The following ADGRB3 variants were observed in gnomAD, a reference collection of about 807,000 sequenced individuals.
The protein encoded by ADGRB3 is brain-specific angiogenesis inhibitor 3.
Under a neutral mutation model 193.4 loss-of-function variants are expected in ADGRB3, and 37 were observed. That is an observed-to-expected ratio of 0.19 (90% CI 0.15 to 0.25). The LOEUF (loss-of-function observed/expected upper bound fraction) is 0.25, where lower values mean the gene tolerates loss of function less well. Among genes scored for constraint, ADGRB3 ranks in the 10% least tolerant of loss-of-function variants. The pLI is 1.00. For synonymous variants in ADGRB3, 690 were observed against 644.2 expected (o/e 1.07, Z -1.08); for missense variants, 1,637 against 1,852.9 (o/e 0.88, Z 2.14).
At chr6:68,738,819 A>T (rs1161909929) in intron 3 of ADGRB3, among the ~76,000 whole-genome samples, 1 of 152,152 alleles carries the variant, frequency 6.6e-6, no homozygotes, top group Non-Finnish European at 1.5e-5. Flanking sequence ...CCAAATAAAG[A>T]TTAAAATATG....
chr6:69,378,587 T>C (rs1037910482), intron 30 of ADGRB3, among the ~76,000 whole-genome samples: 2 of 152,068 alleles, frequency 1.3e-5, no homozygotes, highest in African/African-American at 2.4e-5. Context: ...GGCCCAATGA[T>C]AAGTGTTTTA....
chr6:68,682,929 C>A (rs940340007), intron 3 of ADGRB3, among the ~76,000 whole-genome samples: 3 of 151,892 alleles, frequency 2.0e-5, no homozygotes, highest in African/African-American at 7.3e-5. Flanking sequence ...AGGCACCTAC[C>A]ACCACGCCTG....
At chr6:69,266,880 G>A (rs1283246030) in intron 20 of ADGRB3, among the ~76,000 whole-genome samples, 2 of 152,012 alleles carry the variant, frequency 1.3e-5, no homozygotes, top group African/African-American at 2.4e-5. Flanking sequence ...TAATTGTTTT[G>A]AAATGATTAT....
intron 10 of ADGRB3, among the ~76,000 whole-genome samples, chr6:68,986,515 T>A (rs1769081096): frequency 6.6e-6 from 1 of 152,194 alleles, no homozygotes; most frequent in Non-Finnish European, 1.5e-5. Flanking sequence ...AAATATTCAT[T>A]TACCAGAACT....
chr6:68,662,104 A>T (rs372789707), intron 3 of ADGRB3, among the ~76,000 whole-genome samples: 10 of 151,440 alleles, frequency 6.6e-5, no homozygotes, highest in Non-Finnish European at 1.5e-5. Flanking sequence ...AGAAATGATG[A>T]GTGTGAGGTT....
At chr6:69,216,247 C>T (rs701653) in intron 17 of ADGRB3, among the ~76,000 whole-genome samples, 23,275 of 152,124 alleles carry the variant, frequency 0.15, 1,970 homozygotes, top group Non-Finnish European at 0.18. Flanking sequence ...TAGGTCTAAA[C>T]AGAACTACTT....
chr6:68,823,174 A>C (rs190160365), intron 3 of ADGRB3, among the ~76,000 whole-genome samples: 209 of 152,144 alleles, frequency 1.4e-3, no homozygotes, highest in African/African-American at 4.9e-3. Flanking sequence ...TTCTATAGTC[A>C]GTAGGATCAT....
At chr6:68,918,400 T>A (rs1036984954) in intron 3 of ADGRB3, among the ~76,000 whole-genome samples, 52 of 152,158 alleles carry the variant, frequency 3.4e-4, no homozygotes, top group Admixed American at 2.5e-3. Flanking sequence ...ATGTTAGTGT[T>A]CTCATATTGT....
intron 3 of ADGRB3, among the ~76,000 whole-genome samples, chr6:68,723,347 C>G (rs1765616641): frequency 6.6e-6 from 1 of 151,578 alleles, no homozygotes; most frequent in East Asian, 2.0e-4. Context: ...GAAATCACAG[C>G]CAAGGTTAGC....
At position 69,128,011 on chromosome 6, in the gene ADGRB3, A is replaced by G. The variant is rs952127564; in HGVS notation, c.2480+51973A>G. On this transcript the variant is annotated intron_variant, in intron 17 of 31. Coordinates refer to ENST00000370598, the MANE Select transcript of ADGRB3 (RefSeq NM_001704.3). ...AGCCATCTCTCTCGAGAGAAAAGAA[A>G]TGAAATGTTAAGAGTCAGTATGATA... 3.9e-5 allele frequency among the ~76,000 whole-genome samples: 6 copies of G among 152,272 alleles called. No individual in the cohort carries two copies. The South Asian group carries it at 6.2e-4, about 16-fold the overall frequency.
Position 69,267,073 on chromosome 6 carries a change from T to C in ADGRB3, c.2814+27847T>C, listed in dbSNP as rs533358719. On this transcript the variant is annotated intron_variant, in intron 20 of 31. Transcript: ENST00000370598. The stretch of plus-strand genomic sequence containing the variant: ...GCATACAAGCGTAAGAACCCTCTCT[T>C]AATAGCTTTCCCCAACTCTATTTGT... 2.6e-5 allele frequency among the ~76,000 whole-genome samples: 4 copies of C among 152,238 alleles called. No homozygotes were observed. The South Asian group carries it at 6.2e-4, about 24-fold the overall frequency.
chr6:68,763,403 G>A (rs1211264248), intron 3 of ADGRB3, among the ~76,000 whole-genome samples: 2 of 152,072 alleles, frequency 1.3e-5, no homozygotes, highest in Non-Finnish European at 2.9e-5. Flanking sequence ...TCTTTTAACT[G>A]TTATACTTTA....
Position 69,093,142 on chromosome 6 carries a change from G to A in ADGRB3, c.2480+17104G>A, listed in dbSNP as rs1772764226. On this transcript the variant is annotated intron_variant, in intron 17 of 31. Transcript: ENST00000370598. ...CCTAAGTTCAGAGATAGAGGGGACT[G>A]GAAGCCTACGTTCAGGGGTACAAGG... Among the ~76,000 whole-genome samples, 4 of 151,530 alleles carry A rather than the reference G, an allele frequency of 2.6e-5. No individual in the cohort carries two copies. The South Asian group carries it at 8.3e-4, about 32-fold the overall frequency.
At chr6:69,341,064 C>T (rs1422386953) in intron 26 of ADGRB3, among the ~76,000 whole-genome samples, 3 of 152,018 alleles carry the variant, frequency 2.0e-5, no homozygotes, top group Non-Finnish European at 2.9e-5. Context: ...TGAACAGTGC[C>T]GCAATAAACA....
intron 3 of ADGRB3, among the ~76,000 whole-genome samples, chr6:68,703,908 C>T (rs548293429): frequency 1.3e-5 from 2 of 152,274 alleles, no homozygotes; most frequent in South Asian, 4.1e-4. Flanking sequence ...CAGGTGTGAG[C>T]CACTGTGCCC....
At chr6:69,046,541 C>G (rs1771243423) in intron 13 of ADGRB3, among the ~76,000 whole-genome samples, 1 of 152,112 alleles carries the variant, frequency 6.6e-6, no homozygotes, top group African/African-American at 2.4e-5. Flanking sequence ...CATTTAACAT[C>G]TATAATTTAT....
At chr6:68,762,969 T>C (rs1766440075) in intron 3 of ADGRB3, among the ~76,000 whole-genome samples, 2 of 152,244 alleles carry the variant, frequency 1.3e-5, no homozygotes, top group South Asian at 4.1e-4. Context: ...CCTGACTCCA[T>C]ACATTCATTT....
At chr6:69,176,176 G>T (rs1308981262) in intron 17 of ADGRB3, among the ~76,000 whole-genome samples, 1 of 152,060 alleles carries the variant, frequency 6.6e-6, no homozygotes, top group African/African-American at 2.4e-5. Flanking sequence ...GCACTATGTT[G>T]TATAGGAGTG....
intron 16 of ADGRB3, among the ~76,000 whole-genome samples, chr6:69,063,550 A>C (rs1771812375): frequency 1.3e-5 from 2 of 152,030 alleles, no homozygotes; most frequent in South Asian, 2.1e-4. Context: ...TGCCACAGTA[A>C]AAGTTATAAA....
Sources: allele counts gnomAD v4.1 joint callset (sites outside exome capture counted in the v4.1 genomes callset), GRCh38; gene constraint gnomAD v4.1.1; transcripts MANE v1.5; gene names NCBI Gene and HGNC (gene_info 2026-07-23, HGNC 2026-07-21).